The following CHST9 variants were observed in gnomAD, a reference collection of about 807,000 sequenced individuals.
CHST9 encodes GalNAc-4-sulfotransferase 2.
Under a neutral mutation model 44.4 loss-of-function variants are expected in CHST9, and 41 were observed. The ratio of observed to expected loss-of-function variants is 0.92; its 90% CI spans 0.72 to 1.20. CHST9 has a LOEUF of 1.20. CHST9 is among the 50% of genes most tolerant of loss of function. The pLI is 0.00. For synonymous variants in CHST9, 171 were observed against 178.4 expected, an observed-to-expected ratio of 0.96 and a Z score of 0.33; for missense variants, 504 against 516.5, an observed-to-expected ratio of 0.98 and a Z score of 0.23.
At chr18:27,174,485 T>C (rs2058853814) in intron 1 of CHST9, among the ~76,000 whole-genome samples, 1 of 152,010 alleles carries the variant, frequency 6.6e-6, no homozygotes, top group South Asian at 2.1e-4. Context: ...AGTCTGATCA[T>C]TTGATTAGCT....
intron 2 of CHST9, among the ~76,000 whole-genome samples, chr18:27,094,387 T>C (rs181056453): frequency 2.0e-5 from 3 of 152,316 alleles, no homozygotes; most frequent in Non-Finnish European, 2.9e-5. Flanking sequence ...TTATTCAAAA[T>C]TCAGAATAAA....
chr18:27,144,405 G>A (rs767592640), intron 1 of CHST9, among the ~76,000 whole-genome samples: 19 of 152,288 alleles, frequency 1.2e-4, no homozygotes, highest in South Asian at 4.1e-4. Context: ...CAGGGCTGGC[G>A]AGGTGGCTCA....
chr18:27,063,168 T>C (rs1375137555), intron 2 of CHST9, among the ~76,000 whole-genome samples: 1 of 152,112 alleles, frequency 6.6e-6, no homozygotes, highest in Non-Finnish European at 1.5e-5. Context: ...AAATAAGAAA[T>C]AGAGACTCAG....
chr18:27,028,770 A>C (rs140565198), intron 3 of CHST9, among the ~76,000 whole-genome samples: 1 of 151,904 alleles, frequency 6.6e-6, no homozygotes, highest in Non-Finnish European at 1.5e-5. Flanking sequence ...GGATGGTCTC[A>C]ATCTCCTGAC....
At chr18:27,009,263 T>C (rs1039917157) in intron 4 of CHST9, among the ~76,000 whole-genome samples, 7 of 152,186 alleles carry the variant, frequency 4.6e-5, no homozygotes, top group Non-Finnish European at 7.3e-5. Context: ...CTACAATGGT[T>C]AAGTGTGTGT....
Position 26,916,752 on chromosome 18 carries a change from C to G in CHST9, c.839G>C (p.Arg280Pro), listed in dbSNP as rs368802174. The G allele has an allele frequency of 2.0e-5, 32 of 1,613,752 alleles. No homozygotes were observed. The highest frequency in any genetic ancestry group is 6.7e-5 in the Admixed American group (4 of 59,986). Reference protein sequence around the residue: ...LNTYTKAVFVRDPMERLVSAF... With the variant: ...LNTYTKAVFVPDPMERLVSAF... ...TGATACTAATCTTTCCATGGGATCA[C>G]GAACAAACACAGCTTTGGTGTAAGT... The change falls in exon 6 of 6, where the codon CGT becomes CCT. Residue 280 changes from arginine (R) to proline (P), a missense_variant. Physicochemically the swap from Arg to Pro is moderately radical, Grantham distance 103 (BLOSUM62 -2). Transcript: ENST00000618847.
chr18:26,923,922 C>A (rs1380269457), intron 5 of CHST9, among the ~76,000 whole-genome samples: 1 of 152,044 alleles, frequency 6.6e-6, no homozygotes, highest in East Asian at 1.9e-4. Flanking sequence ...GGTGGACAAG[C>A]CAGAGATGGC....
intron 4 of CHST9, among the ~76,000 whole-genome samples, chr18:26,996,633 T>C (rs1013485084): frequency 1.3e-5 from 2 of 152,120 alleles, no homozygotes; most frequent in Non-Finnish European, 2.9e-5. Context: ...CCCCAAAGGA[T>C]GTTAGAGAAT....
At chr18:26,949,689 C>A (rs2056217123) in intron 4 of CHST9, among the ~76,000 whole-genome samples, 1 of 152,182 alleles carries the variant, frequency 6.6e-6, no homozygotes, top group South Asian at 2.1e-4. Flanking sequence ...ACATCCTAAT[C>A]AGCCTGTGAA....
chr18:27,059,005 A>C lies in CHST9; in HGVS notation c.122-10502T>G, dbSNP rs139980912. 8.8e-3 allele frequency among the ~76,000 whole-genome samples: 1,340 copies of C among 152,118 alleles called. 18 individuals carry two copies. The highest frequency in any genetic ancestry group is 0.029 in the African/African-American group (1,193 of 41,506). ...GCTCACCTAGATTCCTTCTTTCCTA[A>C]GAGGGTTTGTTCAATATACCTATAA... On this transcript the variant is annotated intron_variant, in intron 2 of 5. Coordinates refer to ENST00000618847, the MANE Select transcript of CHST9 (RefSeq NM_031422.6).
intron 4 of CHST9, among the ~76,000 whole-genome samples, chr18:26,945,353 A>T (rs1169573146): frequency 6.6e-6 from 1 of 152,200 alleles, no homozygotes; most frequent in Non-Finnish European, 1.5e-5. Flanking sequence ...ATTAATATTG[A>T]TAGAAAGAGT....
intron 1 of CHST9, among the ~76,000 whole-genome samples, chr18:27,164,951 C>T (rs1429352722): frequency 7.2e-5 from 11 of 152,132 alleles, no homozygotes. Flanking sequence ...AAATATCTAC[C>T]TCTCGGAAAG....
chr18:27,041,510 T>A (rs1309074428), intron 3 of CHST9, among the ~76,000 whole-genome samples: 2 of 152,118 alleles, frequency 1.3e-5, no homozygotes, highest in Non-Finnish European at 2.9e-5. Flanking sequence ...AAAGAAAGCA[T>A]GTTTCCAGTC....
intron 4 of CHST9, among the ~76,000 whole-genome samples, chr18:26,983,138 G>A (rs1420358367): frequency 1.3e-5 from 2 of 152,172 alleles, no homozygotes; most frequent in Admixed American, 6.5e-5. Context: ...AGCATGGTAG[G>A]TTAGGGGAAT....
intron 3 of CHST9, among the ~76,000 whole-genome samples, chr18:27,038,404 CGT>C (rs1221995791): frequency 6.6e-6 from 1 of 151,860 alleles, no homozygotes; most frequent in African/African-American, 2.4e-5. Flanking sequence ...AAATTAGCTG[CGT>C]GTGGTGGCAT....
Position 26,912,197 on chromosome 18 carries a change from A to G in CHST9, c.*4062T>C, listed in dbSNP as rs1568085862. 1 of 152,074 alleles carries G rather than the reference A, an allele frequency of 6.6e-6. No homozygotes were observed. Among genetic ancestry groups the G allele is most frequent in the African/African-American group, 2.4e-5 (1 of 41,408 alleles). The allele number at this position is 152,074 out of a possible 1,614,324, so 9.4% of individuals were successfully genotyped here. On this transcript the variant is annotated 3_prime_UTR_variant, in exon 6 of 6. Coordinates refer to ENST00000618847, the MANE Select transcript of CHST9 (RefSeq NM_031422.6). Reference sequence around the variant, plus strand: ...TGATATTTTGTTTTCACAAGGCTAAATTTGTTCCAGGGACTATTTTTTCTT... The same window carrying G: ...TGATATTTTGTTTTCACAAGGCTAAGTTTGTTCCAGGGACTATTTTTTCTT...
At chr18:27,067,152 A>G (rs541266361) in intron 2 of CHST9, among the ~76,000 whole-genome samples, 4 of 152,238 alleles carry the variant, frequency 2.6e-5, no homozygotes, top group Non-Finnish European at 5.9e-5. Context: ...AAAGTTTCAG[A>G]TTCATATACT....
intron 1 of CHST9, among the ~76,000 whole-genome samples, chr18:27,178,915 T>C (rs73406665): frequency 1.6e-4 from 25 of 152,130 alleles, no homozygotes; most frequent in African/African-American, 6.0e-4. Context: ...ACTAGTGCAG[T>C]TCTTTTTTGC....
At chr18:27,088,697 T>C (rs963633520) in intron 2 of CHST9, among the ~76,000 whole-genome samples, 2 of 152,272 alleles carry the variant, frequency 1.3e-5, no homozygotes, top group South Asian at 4.1e-4. Flanking sequence ...TGGCCTATTA[T>C]CACTTTTTTT....
Sources: allele counts gnomAD v4.1 joint callset (sites outside exome capture counted in the v4.1 genomes callset), GRCh38; gene constraint gnomAD v4.1.1; transcripts MANE v1.5; gene names NCBI Gene and HGNC (gene_info 2026-07-23, HGNC 2026-07-21).